Variants in RBMS1 observed in about 807,000 individuals in gnomAD.
RBMS1 encodes RNA binding motif single stranded interacting protein 1.
A neutral mutation model predicts 62.3 loss-of-function variants in RBMS1; 17 were observed. That is an observed-to-expected ratio of 0.27 (90% confidence interval 0.19 to 0.41). The LOEUF (loss-of-function observed/expected upper bound fraction) is 0.41. RBMS1 is among the 10% of genes least tolerant of loss of function. RBMS1 has a pLI of 1.00. For synonymous variants in RBMS1, 172 were observed against 170.0 expected (o/e 1.01, Z -0.09); for missense variants, 334 against 504.5 (o/e 0.66, Z 3.24).
chr2:160,349,123 G>A (rs1692344179), intron 2 of RBMS1, among the ~76,000 whole-genome samples: 1 of 152,008 alleles, frequency 6.6e-6, no homozygotes. Flanking sequence ...TATTGTATAG[G>A]GAAAGATTCC....
intron 13 of RBMS1, chr2:160,275,355 G>A (rs1687778128): frequency 3.3e-6 from 1 of 300,840 alleles, no homozygotes; most frequent in Non-Finnish European, 5.4e-6. Flanking sequence ...TTTGGTTCTT[G>A]GTGTTCTCTG....
intron 4 of RBMS1, among the ~76,000 whole-genome samples, chr2:160,305,467 C>CTA (rs1367031269): frequency 2.0e-5 from 3 of 152,280 alleles, no homozygotes; most frequent in African/African-American, 7.2e-5. Flanking sequence ...GAGCAAGAGG[C>CTA]TATACCACAT....
chr2:160,395,570 G>C (rs1475725224), intron 1 of RBMS1, among the ~76,000 whole-genome samples: 1 of 147,800 alleles, frequency 6.8e-6, no homozygotes, highest in African/African-American at 2.5e-5. Context: ...CTTGCAGTGA[G>C]CTGAGATCGC....
intron 1 of RBMS1, among the ~76,000 whole-genome samples, chr2:160,399,735 T>C (rs935217793): frequency 6.6e-6 from 1 of 152,108 alleles, no homozygotes; most frequent in Non-Finnish European, 1.5e-5. Context: ...TGATCACAAA[T>C]GGTCTTCCAA....
chr2:160,461,351 C>A (rs1056942598), intron 1 of RBMS1, among the ~76,000 whole-genome samples: 2 of 152,060 alleles, frequency 1.3e-5, no homozygotes, highest in Non-Finnish European at 2.9e-5. Context: ...AATAATAATT[C>A]TCTGATGAAA....
At chr2:160,454,035 TAATG>T (rs2105322940) in intron 1 of RBMS1, among the ~76,000 whole-genome samples, 1 of 152,356 alleles carries the variant, frequency 6.6e-6, no homozygotes, top group African/African-American at 2.4e-5. Context: ...CAAGCCCTTG[TAATG>T]ACCTCTATGT....
At chr2:160,276,417 C>A (rs1018978970) in intron 12 of RBMS1, among the ~76,000 whole-genome samples, 1 of 152,094 alleles carries the variant, frequency 6.6e-6, no homozygotes, top group Non-Finnish European at 1.5e-5. Context: ...ACCACCACCA[C>A]CACCTCCACC....
At chr2:160,332,943 GACATAC>G (rs1200236459) in intron 2 of RBMS1, among the ~76,000 whole-genome samples, 1 of 150,682 alleles carries the variant, frequency 6.6e-6, no homozygotes, top group Non-Finnish European at 1.5e-5. Context: ...TGTTTATACA[GACATAC>G]ACATACACTC....
At chr2:160,436,957 C>T (rs978550630) in intron 1 of RBMS1, among the ~76,000 whole-genome samples, 2 of 152,064 alleles carry the variant, frequency 1.3e-5, no homozygotes, top group South Asian at 4.2e-4. Flanking sequence ...GGTCTTTATA[C>T]AGAAATTTGA....
chr2:160,370,447 C>T (rs1279151687), intron 1 of RBMS1, among the ~76,000 whole-genome samples: 2 of 152,196 alleles, frequency 1.3e-5, no homozygotes, highest in East Asian at 3.9e-4. Context: ...AGCCTGGCCA[C>T]CATGGTGAAA....
At position 160,278,603 on chromosome 2, in the gene RBMS1, A is replaced by T; in HGVS notation, c.1007T>A (p.Met336Lys). The change falls in exon 11 of 14, where the codon ATG (methionine) becomes AAG (lysine). Residue 336 changes from methionine to lysine, a missense_variant. Physicochemically the swap from Met to Lys is moderately conservative, Grantham distance 95 (BLOSUM62 -1). Transcript: ENST00000348849. ...EHTMSLQPASMISPLAQQMSH... is the reference protein window; with the variant it reads ...EHTMSLQPASKISPLAQQMSH... ...CATCTGCTGGGCCAGAGGGCTGATC[A>T]TTGATGCGGGCTGTAGTGACATGGT... 1 of 1,613,758 alleles carries T rather than the reference A, an allele frequency of 6.2e-7. No individual in the cohort carries two copies. Among genetic ancestry groups the T allele is most frequent in the Non-Finnish European group, 8.5e-7 (1 of 1,179,828 alleles).
intron 4 of RBMS1, among the ~76,000 whole-genome samples, chr2:160,306,575 G>A (rs1415008358): frequency 6.6e-6 from 1 of 150,844 alleles, no homozygotes; most frequent in Non-Finnish European, 1.5e-5. Context: ...CTTTTCAAAC[G>A]GTCAACATAT....
chr2:160,381,124 C>T (rs919060072), intron 1 of RBMS1, among the ~76,000 whole-genome samples: 4 of 152,158 alleles, frequency 2.6e-5, no homozygotes, highest in African/African-American at 7.2e-5. Context: ...AACTTCATCT[C>T]TGTTCTCCCT....
chr2:160,380,349 G>A (rs767153225), intron 1 of RBMS1, among the ~76,000 whole-genome samples: 1 of 152,110 alleles, frequency 6.6e-6, no homozygotes, highest in Admixed American at 6.5e-5. Flanking sequence ...CCCAAACATG[G>A]AGAAACACTA....
chr2:160,426,831 C>G (rs1319967372), intron 1 of RBMS1, among the ~76,000 whole-genome samples: 1 of 150,288 alleles, frequency 6.7e-6, no homozygotes, highest in Non-Finnish European at 1.5e-5. Context: ...TAGTATCTCA[C>G]TGCTGGAGGG....
chr2:160,461,607 T>C (rs1275758430), intron 1 of RBMS1, among the ~76,000 whole-genome samples: 4 of 152,228 alleles, frequency 2.6e-5, no homozygotes, highest in Admixed American at 1.3e-4. Context: ...AGGCCAAGCA[T>C]GTGTGCAGGC....
chr2:160,464,960 G>A (rs1684625202), intron 1 of RBMS1, among the ~76,000 whole-genome samples: 1 of 152,192 alleles, frequency 6.6e-6, no homozygotes, highest in Admixed American at 6.5e-5. Flanking sequence ...TTACAGAATA[G>A]TATGCTACTG....
chr2:160,287,511 C>T (rs6741383), intron 6 of RBMS1, among the ~76,000 whole-genome samples: 15,221 of 152,238 alleles, frequency 0.1, 1,036 homozygotes, highest in East Asian at 0.26. Flanking sequence ...CTTCACTTCT[C>T]CCAGTAGAAA....
intron 2 of RBMS1, among the ~76,000 whole-genome samples, chr2:160,341,895 C>T (rs1038396256): frequency 8.5e-5 from 13 of 152,172 alleles, no homozygotes; most frequent in African/African-American, 1.2e-4. Flanking sequence ...TGTTTTAAAA[C>T]ATTTATGACT....
Sources: gnomAD v4.1 joint callset for allele counts (sites outside exome capture counted in the v4.1 genomes callset) on GRCh38, gnomAD v4.1.1 for gene constraint, MANE v1.5 for transcripts, NCBI Gene and HGNC (gene_info 2026-07-23, HGNC 2026-07-21) for gene names.